The following THSD7B variants were observed in gnomAD, a reference collection of about 807,000 sequenced individuals.
THSD7B encodes thrombospondin type 1 domain containing 7B, also known as thrombospondin type-1 domain-containing protein 7B.
In THSD7B, 138 loss-of-function variants were observed where a neutral mutation model predicts 213.6. The ratio of observed to expected loss-of-function variants is 0.65; its 90% CI spans 0.56 to 0.74. The LOEUF is 0.74. Among genes scored for constraint, THSD7B ranks in the 30% least tolerant of loss-of-function variants. The pLI is 0.00. For missense variants in THSD7B, 1,931 were observed against 1,991.5 expected (o/e 0.97, Z 0.58); for synonymous variants, 742 against 687.0 (o/e 1.08, Z -1.25).
At chr2:137,624,524 G>T (rs1174497481) in intron 20 of THSD7B, among the ~76,000 whole-genome samples, 1 of 152,208 alleles carries the variant, frequency 6.6e-6, no homozygotes, top group Non-Finnish European at 1.5e-5. Context: ...ACTACCATCA[G>T]AGTGAACAGG....
At chr2:137,590,293 A>G (rs778370604) in intron 17 of THSD7B, among the ~76,000 whole-genome samples, 4 of 152,226 alleles carry the variant, frequency 2.6e-5, no homozygotes, top group Non-Finnish European at 5.9e-5. Flanking sequence ...ATGAAGAACA[A>G]GGCTGATGGT....
intron 2 of THSD7B, among the ~76,000 whole-genome samples, chr2:137,003,269 C>T (rs1436472997): frequency 6.6e-6 from 1 of 152,122 alleles, no homozygotes; most frequent in Non-Finnish European, 1.5e-5. Flanking sequence ...TCCTTTAGAA[C>T]AATCTTGAAA....
intron 5 of THSD7B, among the ~76,000 whole-genome samples, chr2:137,119,622 A>C (rs1688510806): frequency 6.6e-6 from 1 of 152,164 alleles, no homozygotes; most frequent in South Asian, 2.1e-4. Flanking sequence ...AGAAAGTTAC[A>C]ATGACGGTGG....
intron 1 of THSD7B, among the ~76,000 whole-genome samples, chr2:136,838,026 A>G (rs533421614): frequency 3.3e-5 from 5 of 152,312 alleles, no homozygotes; most frequent in Admixed American, 2.0e-4. Context: ...TTCCTATGCT[A>G]TTATCACACC....
chr2:136,890,226 G>A (rs1009559490), intron 2 of THSD7B, among the ~76,000 whole-genome samples: 3 of 151,598 alleles, frequency 2.0e-5, no homozygotes, highest in Admixed American at 2.0e-4. Flanking sequence ...AGGTAAGCCT[G>A]TTTTCTTTAT....
chr2:137,391,922 A>G (rs1461064105), intron 12 of THSD7B, among the ~76,000 whole-genome samples: 1 of 152,160 alleles, frequency 6.6e-6, no homozygotes, highest in Non-Finnish European at 1.5e-5. Context: ...GCTGTACCCA[A>G]CAAGTTTTGG....
chr2:137,191,798 A>G (rs963971573), intron 7 of THSD7B, among the ~76,000 whole-genome samples: 3 of 152,094 alleles, frequency 2.0e-5, no homozygotes, highest in African/African-American at 7.2e-5. Flanking sequence ...GCTGTGGATC[A>G]TATTATATAT....
chr2:137,089,324 ATGTG>A (rs1328315016), intron 3 of THSD7B, among the ~76,000 whole-genome samples: 1 of 146,752 alleles, frequency 6.8e-6, no homozygotes, highest in African/African-American at 2.5e-5. Flanking sequence ...ATATACATAT[ATGTG>A]TGTGTATATG....
intron 12 of THSD7B, among the ~76,000 whole-genome samples, chr2:137,370,281 T>C (rs1405557426): frequency 6.6e-6 from 1 of 152,194 alleles, no homozygotes; most frequent in Non-Finnish European, 1.5e-5. Context: ...ATCAAATGTA[T>C]ACATGCCCAT....
intron 7 of THSD7B, among the ~76,000 whole-genome samples, chr2:137,224,265 C>G (rs1681447196): frequency 6.6e-6 from 1 of 152,178 alleles, no homozygotes; most frequent in Non-Finnish European, 1.5e-5. Context: ...CACTGACTTT[C>G]CAGTGGATTG....
intron 12 of THSD7B, among the ~76,000 whole-genome samples, chr2:137,399,349 C>T (rs931988314): frequency 7.2e-5 from 11 of 152,034 alleles, no homozygotes; most frequent in Non-Finnish European, 1.2e-4. Context: ...TGCGCAGCCA[C>T]GCCTGGCTAA....
intron 12 of THSD7B, among the ~76,000 whole-genome samples, chr2:137,380,516 G>A (rs892261197): frequency 2.0e-5 from 3 of 152,152 alleles, no homozygotes; most frequent in African/African-American, 4.8e-5. Flanking sequence ...TGGATGAATG[G>A]AAGTGACTTT....
At chr2:136,813,010 A>G (rs1011553584) in intron 1 of THSD7B, among the ~76,000 whole-genome samples, 5 of 152,218 alleles carry the variant, frequency 3.3e-5, no homozygotes, top group African/African-American at 1.2e-4. Context: ...CGGCAATTAA[A>G]TGAAATTCTT....
intron 15 of THSD7B, among the ~76,000 whole-genome samples, chr2:137,496,157 G>C (rs1312202033): frequency 6.6e-6 from 1 of 152,128 alleles, no homozygotes; most frequent in African/African-American, 2.4e-5. Context: ...ATATATCAAA[G>C]AAAGTTACAT....
chr2:137,204,405 A>G (rs1680941266), intron 7 of THSD7B, among the ~76,000 whole-genome samples: 1 of 152,018 alleles, frequency 6.6e-6, no homozygotes, highest in Non-Finnish European at 1.5e-5. Flanking sequence ...TGATTTCCAT[A>G]TATTCTGTGT....
chr2:137,355,228 A>G (rs1391248935), intron 12 of THSD7B, among the ~76,000 whole-genome samples: 1 of 152,186 alleles, frequency 6.6e-6, no homozygotes, highest in Non-Finnish European at 1.5e-5. Flanking sequence ...GAGCAAGAGT[A>G]ATGAAAATAA....
intron 1 of THSD7B, among the ~76,000 whole-genome samples, chr2:136,794,830 A>ATT (rs34420048): frequency 6.6e-6 from 1 of 151,632 alleles, no homozygotes; most frequent in African/African-American, 2.4e-5. Context: ...CTAGTTCTCT[A>ATT]TTTTTTTCCC....
intron 2 of THSD7B, among the ~76,000 whole-genome samples, chr2:137,055,221 GAATAGTGCTGC>G (rs1687140713): frequency 6.6e-6 from 1 of 152,144 alleles, no homozygotes; most frequent in Admixed American, 6.5e-5. Context: ...TTGCTATTGT[GAATAGTGCTGC>G]AATAAACATA....
At chr2:136,911,305 G>A (rs1188494612) in intron 2 of THSD7B, among the ~76,000 whole-genome samples, 1 of 152,008 alleles carries the variant, frequency 6.6e-6, no homozygotes, top group African/African-American at 2.4e-5. Context: ...CTCTTTAAAT[G>A]CCATTCATTA....
Sources: allele counts gnomAD v4.1 joint callset (sites outside exome capture counted in the v4.1 genomes callset), GRCh38; gene constraint gnomAD v4.1.1; transcripts MANE v1.5; gene names NCBI Gene and HGNC (gene_info 2026-07-23, HGNC 2026-07-21).